Variants in LMNB1 observed in about 807,000 individuals in gnomAD.
The protein encoded by LMNB1 is lamin B1.
A neutral mutation model predicts 67.1 loss-of-function variants in LMNB1; 23 were observed. That is an observed-to-expected ratio of 0.34 (90% CI 0.25 to 0.49). The LOEUF (loss-of-function observed/expected upper bound fraction) is 0.49, where lower values mean the gene tolerates loss of function less well. Among genes scored for constraint, LMNB1 ranks in the 20% least tolerant of loss-of-function variants. The pLI is 0.99. For synonymous variants in LMNB1, 281 were observed against 282.9 expected, an observed-to-expected ratio of 0.99 and a Z score of 0.07; for missense variants, 634 against 746.5, an observed-to-expected ratio of 0.85 and a Z score of 1.76.
At chr5:126,789,221 G>C (rs1750888773) in intron 1 of LMNB1, among the ~76,000 whole-genome samples, 1 of 152,074 alleles carries the variant, frequency 6.6e-6, no homozygotes, top group Admixed American at 6.6e-5. Context: ...ATTTAAACTA[G>C]ATTCTTACTC....
chr5:126,798,583 A>AC lies in LMNB1; in HGVS notation c.360-6193_360-6192insC, dbSNP rs1252949865. On this transcript the variant is annotated intron_variant, in intron 1 of 10. Coordinates refer to ENST00000261366, the MANE Select transcript of LMNB1 (RefSeq NM_005573.4). ...GGAAATTGGTAGGAAGAAAGAGAGG[A>AC]TACCCATGCATGTGAGTTTTAGAGA... 2.1e-3 allele frequency among the ~76,000 whole-genome samples: 322 copies of AC among 152,326 alleles called. 1 individual carries two copies. The highest frequency in any genetic ancestry group is 7.6e-3 in the African/African-American group (314 of 41,556).
At chr5:126,778,805 C>G (rs1204154140) in intron 1 of LMNB1, among the ~76,000 whole-genome samples, 1 of 152,046 alleles carries the variant, frequency 6.6e-6, no homozygotes, top group Admixed American at 6.6e-5. Flanking sequence ...GATAGTAGAC[C>G]AGGGCAGGTG....
chr5:126,829,855 G>T (rs897816964), intron 9 of LMNB1, among the ~76,000 whole-genome samples: 3 of 152,066 alleles, frequency 2.0e-5, no homozygotes, highest in Non-Finnish European at 4.4e-5. Context: ...TCCATGGGGG[G>T]TGTGTACCCA....
intron 1 of LMNB1, among the ~76,000 whole-genome samples, chr5:126,800,600 T>A (rs1225273263): frequency 6.6e-6 from 1 of 150,736 alleles, no homozygotes; most frequent in Non-Finnish European, 1.5e-5. Flanking sequence ...ACTAGGACTG[T>A]TGGGATGGGG....
At chr5:126,781,795 G>A (rs1426790285) in intron 1 of LMNB1, among the ~76,000 whole-genome samples, 3 of 152,112 alleles carry the variant, frequency 2.0e-5, no homozygotes, top group African/African-American at 4.8e-5. Context: ...CATCATTTAG[G>A]TAGATTTAGA....
intron 10 of LMNB1, among the ~76,000 whole-genome samples, chr5:126,833,271 G>T (rs1752176016): frequency 6.6e-6 from 1 of 152,196 alleles, no homozygotes; most frequent in Non-Finnish European, 1.5e-5. Flanking sequence ...GATTTTGGCT[G>T]ATGGTTGGGC....
intron 9 of LMNB1, 117 bp downstream of exon 9, chr5:126,826,224 T>C: frequency 8.4e-7 from 1 of 1,196,608 alleles, no homozygotes; most frequent in Non-Finnish European, 1.2e-6. Flanking sequence ...AGACCAAAGC[T>C]GCTAAGTTAA....
At position 126,785,484 on chromosome 5, in the gene LMNB1, T is replaced by TC. The variant is rs1397669549; in HGVS notation, c.359+7617_359+7618insC. The stretch of plus-strand genomic sequence containing the variant: ...TTTTTTTTTCTTTTTCTTTTTCTTT[T>TC]TTTTTTTTTGTATTTTAGTAGAGAC... On this transcript the variant is annotated intron_variant, in intron 1 of 10. Transcript: ENST00000261366. Among the ~76,000 whole-genome samples the TC allele has an allele frequency of 6.0e-4, 90 of 150,316 alleles. 2 individuals carry two copies. The highest frequency in any genetic ancestry group is 2.1e-3 in the African/African-American group (86 of 41,120).
intron 3 of LMNB1, among the ~76,000 whole-genome samples, chr5:126,808,582 C>G (rs574437338): frequency 6.6e-6 from 1 of 151,670 alleles, no homozygotes; most frequent in African/African-American, 2.4e-5. Flanking sequence ...AGGAGAAAGA[C>G]GAAAGAGGAA....
chr5:126,803,376 G>C (rs1015732707), intron 1 of LMNB1, among the ~76,000 whole-genome samples: 7 of 151,108 alleles, frequency 4.6e-5, no homozygotes, highest in African/African-American at 1.7e-4. Flanking sequence ...CCCCTGAGTA[G>C]CTGGGATTAC....
intron 9 of LMNB1, among the ~76,000 whole-genome samples, chr5:126,828,260 G>T (rs906219669): frequency 6.6e-6 from 1 of 152,090 alleles, no homozygotes; most frequent in Non-Finnish European, 1.5e-5. Context: ...GTACAAGGCA[G>T]ATTAAATGGA....
In LMNB1 at chr5:126,811,888, T is replaced by A. The variant is rs1751586787; in HGVS notation, c.929T>A (p.Leu310Gln). The A allele has an allele frequency of 2.5e-6, 4 of 1,611,162 alleles. No individual in the cohort carries two copies. Among genetic ancestry groups the A allele is most frequent in the Non-Finnish European group, 3.4e-6 (4 of 1,177,768 alleles). The change falls in exon 5 of 11, where the codon CTA becomes CAA. Residue 310 changes from leucine (L) to glutamine (Q), a missense_variant. By Grantham distance (113) the Leu-to-Gln change is moderately radical. Coordinates refer to ENST00000261366, the MANE Select transcript of LMNB1 (RefSeq NM_005573.4). The stretch of plus-strand genomic sequence containing the variant: ...AGCCTTTCATCCCAGCTTTCTAATC[T>A]ACAGAAAGAGGTAAATAATCATCTT... ...IESLSSQLSN[L>Q]QKESRACLER...
chr5:126,782,351 T>G (rs1750652709), intron 1 of LMNB1, among the ~76,000 whole-genome samples: 1 of 152,194 alleles, frequency 6.6e-6, no homozygotes, highest in South Asian at 2.1e-4. Context: ...CCAGTGGGGT[T>G]TATAGATAGA....
At chr5:126,821,874 A>G (rs1452889998) in intron 7 of LMNB1, among the ~76,000 whole-genome samples, 1 of 152,206 alleles carries the variant, frequency 6.6e-6, no homozygotes, top group East Asian at 1.9e-4. Context: ...AGTAGTTTTG[A>G]AAATTAGTCT....
rs1455288022 is a variant in LMNB1 at position 126,804,894 on chromosome 5, G to C, written c.478G>C (p.Glu160Gln). The change falls in exon 2 of 11, where the codon GAG becomes CAG. Residue 160 changes from glutamate (E) to glutamine (Q), a missense_variant. Coordinates refer to ENST00000261366, the MANE Select transcript of LMNB1 (RefSeq NM_005573.4). The part of the protein sequence containing the change: ...ATALGDKKSL[E>Q]GDLEDLKDQI... Reference sequence around the variant, plus strand: ...TGCACTTGGTGACAAAAAAAGTTTAGAGGGAGATTTGGAGGATCTGAAGGA... The same window carrying C: ...TGCACTTGGTGACAAAAAAAGTTTACAGGGAGATTTGGAGGATCTGAAGGA... 22 of 1,614,164 alleles carry C rather than the reference G, an allele frequency of 1.4e-5. No individual in the cohort carries two copies. Among genetic ancestry groups the C allele is most frequent in the South Asian group, 1.2e-4 (11 of 91,086 alleles).
rs1290040157 is a variant in LMNB1, at chr5:126,832,890, T to TTGA, written c.1719+89_1719+90insTGA. On this transcript the variant is annotated intron_variant, in intron 10 of 10. Coordinates refer to ENST00000261366, the MANE Select transcript of LMNB1 (RefSeq NM_005573.4). Reference sequence around the variant, plus strand: ...AGAGTGTGGTTGGGTTTTTCCCCTATCAGTTGATGAACCAGCGCAGTTATC... The same window carrying TTGA: ...AGAGTGTGGTTGGGTTTTTCCCCTATTGACAGTTGATGAACCAGCGCAGTTATC... The TTGA allele has an allele frequency of 2.9e-5, 23 of 798,196 alleles. No homozygotes were observed. The African/African-American group carries it at 3.7e-4, about 13-fold the overall frequency. 49.4% of individuals were successfully genotyped at this position (798,196 alleles called of 1,614,324 possible).
At position 126,804,238 on chromosome 5, in the gene LMNB1, CTT is replaced by C. The variant is rs61232506; in HGVS notation, c.360-519_360-518del. The stretch of plus-strand genomic sequence containing the variant: ...CAAATGTGTGCCACTGTGCCAGGCT[CTT>C]TTTTTTTTTTTTTTTTTTGTAGATT... On this transcript the variant is annotated intron_variant, in intron 1 of 10. Transcript: ENST00000261366. 3.1e-3 allele frequency among the ~76,000 whole-genome samples: 314 copies of C among 101,150 alleles called. 2 individuals are homozygous for C. Among genetic ancestry groups the C allele is most frequent in the Middle Eastern group, 6.3e-3 (1 of 158 alleles). The allele number at this position is 101,150 out of a possible 152,430, so 66.4% of individuals were successfully genotyped here.
intron 1 of LMNB1, among the ~76,000 whole-genome samples, chr5:126,789,020 G>A (rs1034432127): frequency 6.6e-6 from 1 of 151,602 alleles, no homozygotes; most frequent in Non-Finnish European, 1.5e-5. Context: ...CTCAGCCTCT[G>A]GAGTAGCTGG....
At chr5:126,788,615 T>G (rs750746078) in intron 1 of LMNB1, among the ~76,000 whole-genome samples, 125 of 152,296 alleles carry the variant, frequency 8.2e-4, no homozygotes, top group Non-Finnish European at 1.5e-3. Context: ...ATTGCGCCTC[T>G]GCACTCCAGC....
Sources: allele counts gnomAD v4.1 joint callset (sites outside exome capture counted in the v4.1 genomes callset), GRCh38; gene constraint gnomAD v4.1.1; transcripts MANE v1.5; gene names NCBI Gene and HGNC (gene_info 2026-07-23, HGNC 2026-07-21).